Variants in KALRN observed in about 807,000 individuals in gnomAD.
The protein encoded by KALRN is kalirin.
Under a neutral mutation model 353.7 loss-of-function variants are expected in KALRN, and 70 were observed. The ratio of observed to expected loss-of-function variants is 0.20; its 90% confidence interval spans 0.16 to 0.24. The LOEUF (loss-of-function observed/expected upper bound fraction) is 0.24. Among genes scored for constraint, KALRN ranks in the 10% least tolerant of loss-of-function variants. The pLI is 1.00. For missense variants in KALRN, 2,791 were observed against 3,756.7 expected, an observed-to-expected ratio of 0.74 and a Z score of 6.72; for synonymous variants, 1,391 against 1,434.8, an observed-to-expected ratio of 0.97 and a Z score of 0.69.
At position 124,503,181 on chromosome 3, in the gene KALRN, C is replaced by T. The variant is rs1263702902; in HGVS notation, c.4935+6768C>T. 2.6e-5 allele frequency among the ~76,000 whole-genome samples: 4 copies of T among 152,204 alleles called. No homozygotes were observed. The East Asian group carries it at 5.8e-4, about 22-fold the overall frequency. ...ATGCTGCCTGCCATTTAGTAAAAAA[C>T]ACTTCAAACCCTTAAATAAATACCT... On this transcript the variant is annotated intron_variant, in intron 33 of 59. Transcript: ENST00000682506.
At chr3:124,589,587 G>A (rs2075567565) in intron 34 of KALRN, among the ~76,000 whole-genome samples, 1 of 152,160 alleles carries the variant, frequency 6.6e-6, no homozygotes, top group South Asian at 2.1e-4. Flanking sequence ...GTGAGACCCT[G>A]TTTCCAAAAA....
chr3:124,442,058 A>G lies in KALRN; in HGVS notation c.3312A>G (p.Lys1104=), dbSNP rs779758989. The G allele has an allele frequency of 3.1e-6, 5 of 1,589,416 alleles. No individual in the cohort carries two copies. The highest frequency in any genetic ancestry group is 4.3e-6 in the Non-Finnish European group (5 of 1,162,268). Residue 1104 remains lysine (K), a splice_region_variant and synonymous_variant, in exon 19 of 60, where the codon AAA becomes AAG. Coordinates refer to ENST00000682506, the MANE Select transcript of KALRN (RefSeq NM_001388419.1). ...SHTRGPEQQV[K]AILSELLQRE... ...CTCGGGGACCCGAGCAACAAGTGAA[A>G]GGTCAGTGAGAGACCTGCCCAGCCA...
At position 124,430,637 on chromosome 3, in the gene KALRN, G is replaced by C. The variant is rs573995863; in HGVS notation, c.2710-19G>C. 6 of 1,613,524 alleles carry C rather than the reference G, an allele frequency of 3.7e-6. No homozygotes were observed. The South Asian group carries it at 6.6e-5, about 18-fold the overall frequency. On this transcript the variant is annotated intron_variant, in intron 15 of 59. Coordinates refer to ENST00000682506, the MANE Select transcript of KALRN (RefSeq NM_001388419.1). ...ACTGCGGAAGGCCATTCACCTGTGT[G>C]CTTGTCCCGATTCCCTAGGTTCTGG...
intron 1 of KALRN, among the ~76,000 whole-genome samples, chr3:124,169,071 G>T (rs1056915828): frequency 6.6e-6 from 1 of 152,148 alleles, no homozygotes; most frequent in African/African-American, 2.4e-5. Flanking sequence ...TGTTATCTGG[G>T]GCTCTGTGAG....
At chr3:124,477,868 C>T (rs2061578152) in intron 27 of KALRN, among the ~76,000 whole-genome samples, 1 of 152,126 alleles carries the variant, frequency 6.6e-6, no homozygotes, top group African/African-American at 2.4e-5. Context: ...GAATCCCATG[C>T]CTGAGGTTCT....
rs925872794 is a variant in KALRN at position 124,033,414 on chromosome 3, C to G, written c.-327C>G. Among the ~76,000 whole-genome samples, 1 of 151,722 alleles carries G rather than the reference C, an allele frequency of 6.6e-6. No individual in the cohort carries two copies. The highest frequency in any genetic ancestry group is 1.5e-5 in the Non-Finnish European group (1 of 67,844). On this transcript the variant is annotated 5_prime_UTR_variant, in exon 1 of 60. Transcript: ENST00000682506. This position sits in a 1 kb window ranked among gnomAD's most constrained non-coding sequence, Gnocchi z 6.2. ...CGAGCAGGAGAGCCAGCTGCCGCTG[C>G]TGGGGGACAGCGGGCGCCCAGGCAG...
chr3:124,430,661 G>T lies in KALRN; in HGVS notation c.2715G>T (p.Leu905=). 6.2e-7 allele frequency: 1 copy of T among 1,614,106 alleles called. No individual in the cohort carries two copies. The highest frequency in any genetic ancestry group is 8.5e-7 in the Non-Finnish European group (1 of 1,179,952). The change falls in exon 16 of 60, where the codon CTG becomes CTT. Residue 905 remains leucine (L), a synonymous_variant. Transcript: ENST00000682506. ...TGCTTGTCCCGATTCCCTAGGTTCTGGGATGGATCCGCAATGGAGAGTCAA... is the reference window on the plus strand; with the variant it reads ...TGCTTGTCCCGATTCCCTAGGTTCTTGGATGGATCCGCAATGGAGAGTCAA... ...RHLQAEVKQV[L]GWIRNGESML...
chr3:124,621,433 G>A (rs2079258820), intron 34 of KALRN, among the ~76,000 whole-genome samples: 1 of 152,146 alleles, frequency 6.6e-6, no homozygotes, highest in Admixed American at 6.5e-5. Context: ...TCCTAAACTA[G>A]GTCTAAAAGT....
At chr3:124,416,350 T>G (rs12486017) in intron 14 of KALRN, among the ~76,000 whole-genome samples, 3 of 152,240 alleles carry the variant, frequency 2.0e-5, no homozygotes, top group Admixed American at 2.0e-4. Context: ...GGGCTGTGCT[T>G]GGTGTCCACC....
At chr3:124,056,501 G>C (rs1247704008) in intron 1 of KALRN, among the ~76,000 whole-genome samples, 1 of 152,190 alleles carries the variant, frequency 6.6e-6, no homozygotes, top group East Asian at 1.9e-4. Flanking sequence ...TCACTATAAA[G>C]TGAAAGTGCT....
chr3:124,091,231 C>T (rs1385662569), intron 1 of KALRN, among the ~76,000 whole-genome samples: 2 of 152,170 alleles, frequency 1.3e-5, no homozygotes, highest in African/African-American at 4.8e-5. Flanking sequence ...GGGTGGAGCC[C>T]GCTTGTTGGG....
At chr3:124,592,490 G>A (rs2075898983) in intron 34 of KALRN, among the ~76,000 whole-genome samples, 1 of 151,450 alleles carries the variant, frequency 6.6e-6, no homozygotes, top group East Asian at 1.9e-4. Context: ...TTTCTTGCCT[G>A]TGCCTTGACT....
At chr3:124,642,806 GTTT>G (rs71145471) in intron 37 of KALRN, among the ~76,000 whole-genome samples, 4 of 96,838 alleles carry the variant, frequency 4.1e-5, no homozygotes, top group East Asian at 4.7e-4. Context: ...CCCAAGCCTC[GTTT>G]TTTTTTTTTT....
intron 10 of KALRN, among the ~76,000 whole-genome samples, chr3:124,354,104 T>C (rs980250816): frequency 3.3e-5 from 5 of 152,246 alleles, no homozygotes; most frequent in Admixed American, 1.3e-4. Context: ...CAAGATATTA[T>C]AGAGAGCCTA....
rs989523251 is a variant in KALRN, at chr3:124,655,647, G to C, written c.5842G>C (p.Asp1948His). Reference protein sequence around the residue: ...LVQTEKDYVKDLGIVVEGFMK... With the variant: ...LVQTEKDYVKHLGIVVEGFMK... ...ACAGACAGAGAAAGACTATGTCAAG[G>C]ATCTGGGCATTGTGGTGGAGGTAAG... is the stretch of plus-strand genomic sequence containing the variant. Residue 1948 changes from aspartate (D) to histidine (H), a missense_variant, in exon 39 of 60, where the codon GAT (aspartate) becomes CAT (histidine). Asp to His is a moderately conservative substitution (Grantham distance 81). Coordinates refer to ENST00000682506, the MANE Select transcript of KALRN (RefSeq NM_001388419.1). 1 of 1,614,066 alleles carries C rather than the reference G, an allele frequency of 6.2e-7. No homozygotes were observed. The highest frequency in any genetic ancestry group is 8.5e-7 in the Non-Finnish European group (1 of 1,179,910).
chr3:124,654,373 G>C (rs141701140), intron 38 of KALRN, among the ~76,000 whole-genome samples: 1 of 152,168 alleles, frequency 6.6e-6, no homozygotes. Flanking sequence ...GGGGCTATAC[G>C]GAGCAAGAGT....
chr3:124,644,510 T>C (rs1282173209), intron 37 of KALRN, among the ~76,000 whole-genome samples: 5 of 152,034 alleles, frequency 3.3e-5, no homozygotes, highest in African/African-American at 9.7e-5. Flanking sequence ...CAGTGTGTGA[T>C]GTTCCCCTCC....
intron 1 of KALRN, among the ~76,000 whole-genome samples, chr3:124,125,875 T>C (rs2064596923): frequency 6.6e-6 from 1 of 152,306 alleles, no homozygotes; most frequent in East Asian, 1.9e-4. Context: ...TGGGCTGTCC[T>C]GATTAGGTGT....
chr3:124,289,317 G>C (rs552206246), intron 5 of KALRN, among the ~76,000 whole-genome samples: 5 of 152,256 alleles, frequency 3.3e-5, no homozygotes, highest in African/African-American at 1.2e-4. Flanking sequence ...ACCATAGCAG[G>C]CACTGTGTGA....
Sources: gnomAD v4.1 joint callset for allele counts (sites outside exome capture counted in the v4.1 genomes callset) on GRCh38, gnomAD v4.1.1 for gene constraint, Gnocchi (gnomAD v3.1) non-coding constraint, MANE v1.5 for transcripts, NCBI Gene and HGNC (gene_info 2026-07-23, HGNC 2026-07-21) for gene names.